The following CCDC148 variants were observed in gnomAD, a reference collection of about 807,000 sequenced individuals.
CCDC148 encodes the protein coiled-coil domain containing 148, also known as coiled-coil domain-containing protein 148.
CCDC148 carries 89 observed loss-of-function variants against 85.7 expected under a neutral mutation model. The observed-to-expected ratio is 1.04, with a 90% CI of 0.87 to 1.24. The LOEUF (loss-of-function observed/expected upper bound fraction) is 1.24, where lower values mean the gene tolerates loss of function less well. Among genes scored for constraint, CCDC148 ranks in the 50% most tolerant of loss-of-function variants. The pLI is 0.00. For synonymous variants in CCDC148, 230 were observed against 213.9 expected (o/e 1.08, Z -0.66); for missense variants, 692 against 671.7 (o/e 1.03, Z -0.33).
intron 1 of CCDC148, among the ~76,000 whole-genome samples, chr2:158,393,513 G>A (rs1036353213): frequency 6.6e-6 from 1 of 152,064 alleles, no homozygotes; most frequent in Non-Finnish European, 1.5e-5. Context: ...TTGAGTGATG[G>A]GGCCACAAGG....
At chr2:158,412,127 G>A (rs935842401) in intron 1 of CCDC148, among the ~76,000 whole-genome samples, 1 of 152,138 alleles carries the variant, frequency 6.6e-6, no homozygotes, top group Non-Finnish European at 1.5e-5. Flanking sequence ...AACTACTGGG[G>A]TCCTCCTGCT....
intron 11 of CCDC148, among the ~76,000 whole-genome samples, chr2:158,196,694 T>C (rs1167811942): frequency 6.6e-6 from 1 of 152,216 alleles, no homozygotes; most frequent in Non-Finnish European, 1.5e-5. Context: ...CCCTCCTTTT[T>C]AAAATCTTCA....
intron 8 of CCDC148, 68 bp downstream of exon 8, chr2:158,313,688 A>G (rs567017808): frequency 2.1e-6 from 3 of 1,434,124 alleles, no homozygotes; most frequent in South Asian, 2.8e-5. Flanking sequence ...ATACATGTAC[A>G]TTGCTTAATA....
intron 1 of CCDC148, among the ~76,000 whole-genome samples, chr2:158,401,540 T>C (rs1685782232): frequency 6.6e-6 from 1 of 151,880 alleles, no homozygotes; most frequent in South Asian, 2.1e-4. Flanking sequence ...ACTGGGCCTG[T>C]TGGGTGGTGG....
intron 11 of CCDC148, among the ~76,000 whole-genome samples, chr2:158,181,804 G>A (rs1351530395): frequency 6.6e-6 from 1 of 152,000 alleles, no homozygotes; most frequent in Non-Finnish European, 1.5e-5. Context: ...AGAGGGGCTG[G>A]ACTGTGGGGG....
intron 11 of CCDC148, among the ~76,000 whole-genome samples, chr2:158,204,237 C>T (rs1949673): frequency 0.28 from 41,809 of 151,928 alleles, 5,929 homozygotes; most frequent in Middle Eastern, 0.34. Flanking sequence ...ACAAAATGAG[C>T]GTTAAGACTG....
At chr2:158,218,183 A>G (rs575512904) in intron 11 of CCDC148, among the ~76,000 whole-genome samples, 2 of 152,244 alleles carry the variant, frequency 1.3e-5, no homozygotes, top group African/African-American at 4.8e-5. Context: ...CTGAATCTAC[A>G]GCATTTTAAC....
intron 3 of CCDC148, among the ~76,000 whole-genome samples, chr2:158,344,728 G>A (rs539327870): frequency 6.6e-6 from 1 of 152,168 alleles, no homozygotes; most frequent in East Asian, 1.9e-4. Context: ...AGTTAGTCAT[G>A]ATGCACTTAC....
At chr2:158,199,389 C>T (rs1249319794) in intron 11 of CCDC148, among the ~76,000 whole-genome samples, 1 of 151,998 alleles carries the variant, frequency 6.6e-6, no homozygotes, top group East Asian at 1.9e-4. Context: ...GGATTATAGG[C>T]ATCCGCCACC....
chr2:158,188,314 G>C (rs1196889983), intron 11 of CCDC148, among the ~76,000 whole-genome samples: 2 of 151,976 alleles, frequency 1.3e-5, no homozygotes, highest in South Asian at 4.1e-4. Flanking sequence ...CTGGGGCCAA[G>C]AAAATCATGT....
chr2:158,224,564 G>A (rs1687388390), intron 10 of CCDC148, among the ~76,000 whole-genome samples: 1 of 152,156 alleles, frequency 6.6e-6, no homozygotes. Context: ...GAAAGGTTGG[G>A]TTACCCACAA....
At chr2:158,291,925 C>A (rs1396592407) in intron 9 of CCDC148, among the ~76,000 whole-genome samples, 3 of 152,170 alleles carry the variant, frequency 2.0e-5, no homozygotes, top group Non-Finnish European at 2.9e-5. Context: ...CCCAGGCATT[C>A]AACATATGTC....
intron 1 of CCDC148, among the ~76,000 whole-genome samples, chr2:158,359,695 A>G (rs1474647466): frequency 6.6e-6 from 1 of 152,220 alleles, no homozygotes; most frequent in African/African-American, 2.4e-5. Context: ...CCCACAGACC[A>G]GGAGATTTCC....
intron 10 of CCDC148, among the ~76,000 whole-genome samples, chr2:158,249,258 T>C (rs995399623): frequency 6.6e-6 from 1 of 152,202 alleles, no homozygotes; most frequent in Non-Finnish European, 1.5e-5. Flanking sequence ...TATAATACTT[T>C]TTGTGGTCAC....
intron 1 of CCDC148, among the ~76,000 whole-genome samples, chr2:158,453,073 G>C (rs1029452283): frequency 1.3e-5 from 2 of 152,128 alleles, no homozygotes; most frequent in Non-Finnish European, 2.9e-5. Context: ...ATTGTTCAAA[G>C]TCAAGTTCTT....
Position 158,340,682 on chromosome 2 carries a change from T to TATTTCA in CCDC148, c.252-3_252-2insTGAAAT. ...TTTATTTCAGATTCCATTTTACATC[T>TATTTCA]GAAATAGATGTGATCTCAATAAATG... On this transcript the variant is annotated splice_region_variant and splice_polypyrimidine_tract_variant and intron_variant, in intron 3 of 13. Coordinates refer to ENST00000283233, the MANE Select transcript of CCDC148 (RefSeq NM_138803.4). 2.7e-6 allele frequency: 4 copies of TATTTCA among 1,486,846 alleles called. No individual in the cohort carries two copies. Among genetic ancestry groups the TATTTCA allele is most frequent in the Admixed American group, 1.8e-5 (1 of 54,660 alleles). 92.1% of individuals were successfully genotyped at this position (1,486,846 alleles called of 1,614,324 possible). A position where few individuals can be genotyped will look rare whatever the true frequency, so the allele number is the denominator to read the frequency against.
chr2:158,342,234 T>C (rs1682752207), intron 3 of CCDC148, among the ~76,000 whole-genome samples: 1 of 151,868 alleles, frequency 6.6e-6, no homozygotes, highest in Non-Finnish European at 1.5e-5. Flanking sequence ...TTCACCATGT[T>C]GGCTAGGCTA....
intron 1 of CCDC148, among the ~76,000 whole-genome samples, chr2:158,428,982 T>C (rs971843701): frequency 1.3e-5 from 2 of 152,074 alleles, no homozygotes; most frequent in African/African-American, 4.8e-5. Flanking sequence ...TCATGTCCTT[T>C]GTAGGGACAT....
intron 1 of CCDC148, among the ~76,000 whole-genome samples, chr2:158,454,179 T>C (rs1297679852): frequency 6.6e-6 from 1 of 152,164 alleles, no homozygotes; most frequent in Non-Finnish European, 1.5e-5. Flanking sequence ...GGCCAAAACA[T>C]TGGCAACAAA....
Sources: gnomAD v4.1 joint callset for allele counts (sites outside exome capture counted in the v4.1 genomes callset) on GRCh38, gnomAD v4.1.1 for gene constraint, MANE v1.5 for transcripts, NCBI Gene and HGNC (gene_info 2026-07-23, HGNC 2026-07-21) for gene names.